Variants in RFX7 observed in about 807,000 individuals in gnomAD.
RFX7 encodes the protein DNA-binding protein RFX7.
In RFX7, 26 loss-of-function variants were observed where a neutral mutation model predicts 111.8. The observed-to-expected ratio is 0.23, with a 90% CI of 0.17 to 0.32. The LOEUF (loss-of-function observed/expected upper bound fraction) is 0.32, where lower values mean the gene tolerates loss of function less well. Ranked by LOEUF, RFX7 falls within the 10% of genes least tolerant of loss-of-function variation. The pLI is 1.00. For synonymous variants in RFX7, 624 were observed against 624.4 expected (o/e 1.00, Z 0.01); for missense variants, 1,573 against 1,772.9 (o/e 0.89, Z 2.02).
intron 8 of RFX7, among the ~76,000 whole-genome samples, chr15:56,099,511 C>T (rs1419693872): frequency 6.6e-6 from 1 of 152,068 alleles, no homozygotes; most frequent in Non-Finnish European, 1.5e-5. Context: ...CTGCCAATGG[C>T]TCATAGCTTG....
chr15:56,098,227 G>A lies in RFX7; in HGVS notation c.961C>T (p.Gln321Ter). 6.2e-7 allele frequency: 1 copy of A among 1,613,962 alleles called. No individual in the cohort carries two copies. Among genetic ancestry groups the A allele is most frequent in the East Asian group, 2.2e-5 (1 of 44,878 alleles). The change falls in exon 9 of 10, where the codon CAA becomes TAA. Residue 321 changes from glutamine to a stop codon, truncating the protein, a stop_gained. Coordinates refer to ENST00000559447, the MANE Select transcript of RFX7 (RefSeq NM_022841.7). LOFTEE classifies it high-confidence loss of function. ...GCAGATTCTCCTGGCAAAGGGGATT[G>A]TAGTTTCTGTTCTTGCTGCTTCTTC... Reference protein sequence around the residue: ...IQKKQQEQKLQSPLPGESAAK... With the variant: ...IQKKQQEQKL
intron 3 of RFX7, among the ~76,000 whole-genome samples, chr15:56,157,105 G>C (rs1483255899): frequency 6.6e-6 from 1 of 152,180 alleles, no homozygotes; most frequent in African/African-American, 2.4e-5. Context: ...AGGCAGTCTG[G>C]ATACTAATCC....
chr15:56,122,371 C>A (rs2042089935), intron 5 of RFX7, among the ~76,000 whole-genome samples: 1 of 152,156 alleles, frequency 6.6e-6, no homozygotes, highest in Admixed American at 6.5e-5. Context: ...TATTTTCTCC[C>A]AAACAAATGG....
rs558495985 is a variant in RFX7 at position 56,204,222 on chromosome 15, T to C, written c.162-24919A>G. 2.6e-5 allele frequency among the ~76,000 whole-genome samples: 4 copies of C among 152,194 alleles called. No individual in the cohort carries two copies. The East Asian group carries it at 5.8e-4, about 22-fold the overall frequency. ...TTAATAGAGATGGGGTTTCACCATG[T>C]TGCCTAGGCTGGTCTCGAACTCCTG... On this transcript the variant is annotated intron_variant, in intron 2 of 9. Transcript: ENST00000559447.
chr15:56,166,317 A>G (rs1260000742), intron 3 of RFX7, among the ~76,000 whole-genome samples: 1 of 152,214 alleles, frequency 6.6e-6, no homozygotes, highest in Non-Finnish European at 1.5e-5. Flanking sequence ...ATTTAATTTT[A>G]CATTAGCCTT....
In RFX7 at chr15:56,209,208, G is replaced by A. The variant is rs556599380; in HGVS notation, c.162-29905C>T. Among the ~76,000 whole-genome samples, 19 of 151,758 alleles carry A rather than the reference G, an allele frequency of 1.3e-4. No homozygotes were observed. In the South Asian group the frequency reaches 3.9e-3, roughly 31 times the overall value. On this transcript the variant is annotated intron_variant, in intron 2 of 9. Coordinates refer to ENST00000559447, the MANE Select transcript of RFX7 (RefSeq NM_022841.7). ...AGGAAAAACATACCATACCTATACA[G>A]GAGCCAAGATAAGAATTATATCTGA... is the stretch of plus-strand genomic sequence containing the variant.
At chr15:56,160,884 C>G (rs2042712330) in intron 3 of RFX7, 1 of 151,914 alleles carries the variant, frequency 6.6e-6, no homozygotes, top group South Asian at 2.1e-4. Flanking sequence ...CTGGGGGTGG[C>G]AGGGATAAGT....
rs148157537 is a variant in RFX7 at position 56,183,794 on chromosome 15, A to G, written c.162-4491T>C. 2.8e-3 allele frequency among the ~76,000 whole-genome samples: 425 copies of G among 152,122 alleles called. 2 individuals carry two copies. Among genetic ancestry groups the G allele is most frequent in the Non-Finnish European group, 5.0e-3 (340 of 67,990 alleles). Reference sequence around the variant, plus strand: ...TTTATTTTTGGACTGTATTAATGTTATAGGTTGAATGGGAGAAGATGACTG... The same window carrying G: ...TTTATTTTTGGACTGTATTAATGTTGTAGGTTGAATGGGAGAAGATGACTG... On this transcript the variant is annotated intron_variant, in intron 2 of 9. Transcript: ENST00000559447.
intron 2 of RFX7, among the ~76,000 whole-genome samples, chr15:56,234,263 A>G (rs1041594620): frequency 2.0e-5 from 3 of 152,232 alleles, no homozygotes; most frequent in Admixed American, 2.0e-4. Context: ...AATGTTTTAA[A>G]GTGGTAAGAA....
chr15:56,126,194 T>C (rs2042142741), intron 5 of RFX7, among the ~76,000 whole-genome samples: 1 of 152,222 alleles, frequency 6.6e-6, no homozygotes, highest in Admixed American at 6.5e-5. Flanking sequence ...GTGAACTGCA[T>C]AGTAAAATTC....
At chr15:56,165,585 C>T (rs187106580) in intron 3 of RFX7, among the ~76,000 whole-genome samples, 14 of 152,260 alleles carry the variant, frequency 9.2e-5, no homozygotes, top group Admixed American at 6.5e-4. Context: ...AAGCCATATA[C>T]GTACCAATGA....
intron 8 of RFX7, among the ~76,000 whole-genome samples, chr15:56,099,371 G>T (rs1454500498): frequency 6.6e-6 from 1 of 152,136 alleles, no homozygotes; most frequent in Non-Finnish European, 1.5e-5. Flanking sequence ...ATAATGATGA[G>T]GATCTGTTGA....
chr15:56,217,566 A>G (rs1331744421), intron 2 of RFX7, among the ~76,000 whole-genome samples: 1 of 152,082 alleles, frequency 6.6e-6, no homozygotes, highest in African/African-American at 2.4e-5. Context: ...CACTTTATAG[A>G]CTTTATATAG....
chr15:56,133,598 G>A (rs1253096304), intron 5 of RFX7, among the ~76,000 whole-genome samples: 3 of 152,050 alleles, frequency 2.0e-5, no homozygotes, highest in Non-Finnish European at 2.9e-5. Context: ...AGGATAATGA[G>A]TGCCTAATGA....
At chr15:56,243,315 A>C (rs2043734199) in intron 1 of RFX7, 28 bp from the exon 2 acceptor site, 3 of 1,037,060 alleles carry the variant, frequency 2.9e-6, no homozygotes, top group Non-Finnish European at 3.7e-6. Flanking sequence ...GGAGGGAGGG[A>C]AAGATGGGGG....
intron 3 of RFX7, among the ~76,000 whole-genome samples, chr15:56,148,311 A>G (rs1430936783): frequency 1.3e-5 from 2 of 152,210 alleles, no homozygotes; most frequent in African/African-American, 4.8e-5. Context: ...TTCATAAGCA[A>G]AGATTTATGA....
rs1426706767 is a variant in RFX7 at position 56,184,205 on chromosome 15, T to C, written c.162-4902A>G. On this transcript the variant is annotated intron_variant, in intron 2 of 9. Transcript: ENST00000559447. ...TGGCTAATTTTGTATTTTTTTTTTT[T>C]TTTTTTTTTTTTTAGTAGAGACGGA... Among the ~76,000 whole-genome samples, 5 of 146,088 alleles carry C rather than the reference T, an allele frequency of 3.4e-5. No homozygotes were observed. In the Middle Eastern group the frequency reaches 0.01, roughly 302 times the overall value.
At chr15:56,132,903 G>C (rs193102149) in intron 5 of RFX7, among the ~76,000 whole-genome samples, 49 of 152,212 alleles carry the variant, frequency 3.2e-4, no homozygotes, top group African/African-American at 1.2e-3. Flanking sequence ...GTTCACTGCA[G>C]TGCTATTTGC....
intron 5 of RFX7, among the ~76,000 whole-genome samples, chr15:56,116,033 T>C (rs1451859063): frequency 6.6e-6 from 1 of 152,124 alleles, no homozygotes; most frequent in Non-Finnish European, 1.5e-5. Context: ...TTAACAAACA[T>C]TGAAAGAAGG....
Sources: gnomAD v4.1 joint callset for allele counts (sites outside exome capture counted in the v4.1 genomes callset) on GRCh38, gnomAD v4.1.1 for gene constraint, MANE v1.5 for transcripts, NCBI Gene and HGNC (gene_info 2026-07-23, HGNC 2026-07-21) for gene names.